The following ATP8B4 variants were observed in gnomAD, a reference collection of about 807,000 sequenced individuals.
ATP8B4 encodes the protein probable phospholipid-transporting ATPase IM.
ATP8B4 carries 133 observed loss-of-function variants against 145.6 expected under a neutral mutation model. The observed-to-expected ratio is 0.91, with a 90% CI of 0.79 to 1.05. The LOEUF (loss-of-function observed/expected upper bound fraction) is 1.05, where lower values mean the gene tolerates loss of function less well. ATP8B4 is among the 50% of genes least tolerant of loss of function. The probability of loss-of-function intolerance (pLI) is 0.00; values close to 1 mark genes in which losing one functional copy is unlikely to be tolerated. For synonymous variants in ATP8B4, 507 were observed against 492.9 expected (o/e 1.03, Z -0.38); for missense variants, 1,458 against 1,425.2 (o/e 1.02, Z -0.37).
intron 20 of ATP8B4, among the ~76,000 whole-genome samples, chr15:49,906,284 T>C (rs7169870): frequency 0.03 from 4,572 of 152,310 alleles, 238 homozygotes; most frequent in African/African-American, 0.11. Flanking sequence ...GAAGAATCAC[T>C]GGGTAAAAAC....
intron 2 of ATP8B4, among the ~76,000 whole-genome samples, chr15:50,081,960 GACTGGT>G (rs1393810457): frequency 2.0e-5 from 3 of 152,182 alleles, no homozygotes; most frequent in Non-Finnish European, 4.4e-5. Context: ...TCCTGAGCAA[GACTGGT>G]ACTGATCCAA....
intron 16 of ATP8B4, among the ~76,000 whole-genome samples, chr15:49,925,674 G>C (rs1200999914): frequency 6.6e-6 from 1 of 152,072 alleles, no homozygotes; most frequent in Non-Finnish European, 1.5e-5. Context: ...ACAATTTTCT[G>C]ATTCAATAAA....
intron 1 of ATP8B4, 106 bp from the exon 2 acceptor site, chr15:50,107,114 C>A (rs1474651018): frequency 4.8e-6 from 3 of 620,260 alleles, no homozygotes; most frequent in Non-Finnish European, 7.9e-6. Flanking sequence ...TAGGAAGTCA[C>A]TGACACAGGA....
intron 14 of ATP8B4, among the ~76,000 whole-genome samples, chr15:49,935,787 A>C (rs2041685185): frequency 6.6e-6 from 1 of 152,114 alleles, no homozygotes; most frequent in South Asian, 2.1e-4. Context: ...GATTTAAGTC[A>C]TTTACTTTAC....
intron 6 of ATP8B4, among the ~76,000 whole-genome samples, chr15:50,013,114 A>C (rs1180808917): frequency 6.6e-6 from 1 of 152,234 alleles, no homozygotes; most frequent in Non-Finnish European, 1.5e-5. Context: ...AAATCCCAGC[A>C]GAACTGGAGG....
chr15:50,095,131 C>T (rs1007929870), intron 2 of ATP8B4, among the ~76,000 whole-genome samples: 5 of 152,234 alleles, frequency 3.3e-5, no homozygotes, highest in African/African-American at 4.8e-5. Context: ...CACCATACTA[C>T]ATGTTGCAGG....
chr15:50,010,799 C>A, intron 7 of ATP8B4, 46 bp downstream of exon 7: 2 of 1,264,108 alleles, frequency 1.6e-6, no homozygotes, highest in East Asian at 2.7e-5. Context: ...CATATATATG[C>A]TACTTTAATC....
chr15:50,058,831 C>A (rs2052795588), intron 3 of ATP8B4, among the ~76,000 whole-genome samples: 1 of 151,796 alleles, frequency 6.6e-6, no homozygotes, highest in African/African-American at 2.4e-5. Context: ...ACCCACAACA[C>A]CTGGCTTTGT....
At chr15:49,903,947 G>C in intron 20 of ATP8B4, among the ~76,000 whole-genome samples, 1 of 152,154 alleles carries the variant, frequency 6.6e-6, no homozygotes, top group East Asian at 1.9e-4. Flanking sequence ...ATGACATCCT[G>C]TTTAAAAGAA....
At chr15:49,874,431 T>C (rs1255709598) in intron 25 of ATP8B4, among the ~76,000 whole-genome samples, 2 of 152,060 alleles carry the variant, frequency 1.3e-5, no homozygotes, top group Non-Finnish European at 2.9e-5. Context: ...CAAAAGCCAG[T>C]GTGGCTGGGG....
intron 23 of ATP8B4, chr15:49,880,233 C>T (rs770650924): frequency 2.6e-5 from 4 of 152,176 alleles, no homozygotes; most frequent in Non-Finnish European, 4.4e-5. Context: ...AATTGTAATA[C>T]AGCAGATTGA....
chr15:50,047,487 T>A (rs1157521806), intron 3 of ATP8B4, 23 bp from the exon 4 acceptor site: 1 of 1,405,522 alleles, frequency 7.1e-7, no homozygotes, highest in South Asian at 1.2e-5. Flanking sequence ...TAGCATCATG[T>A]TAGTTTGGGG....
At chr15:50,103,426 G>GTGTA (rs1489996379) in intron 2 of ATP8B4, among the ~76,000 whole-genome samples, 6 of 152,036 alleles carry the variant, frequency 3.9e-5, no homozygotes, top group Non-Finnish European at 8.8e-5. Flanking sequence ...ACACAAATCA[G>GTGTA]TAGCCCTGCT....
At chr15:49,983,775 C>T (rs1469092825) in intron 10 of ATP8B4, among the ~76,000 whole-genome samples, 2 of 152,264 alleles carry the variant, frequency 1.3e-5, no homozygotes, top group Admixed American at 6.5e-5. Context: ...CATGGTCTAG[C>T]CCCTATCCAT....
At chr15:49,930,193 G>T (rs932355278) in intron 16 of ATP8B4, among the ~76,000 whole-genome samples, 23 of 152,042 alleles carry the variant, frequency 1.5e-4, no homozygotes, top group Admixed American at 1.4e-3. Context: ...AGGAAAAAGA[G>T]CAATTGTTTT....
At chr15:50,085,093 G>A (rs559357188) in intron 2 of ATP8B4, among the ~76,000 whole-genome samples, 4 of 152,090 alleles carry the variant, frequency 2.6e-5, no homozygotes, top group African/African-American at 9.7e-5. Flanking sequence ...GAAGCCAGTT[G>A]TTACCAAGGC....
At chr15:50,153,408 A>G (rs1199029052) in intron 1 of ATP8B4, among the ~76,000 whole-genome samples, 1 of 149,912 alleles carries the variant, frequency 6.7e-6, no homozygotes, top group Non-Finnish European at 1.5e-5. Flanking sequence ...GCACGATCTC[A>G]GCTCACTGCA....
chr15:49,897,099 C>A, intron 23 of ATP8B4, 193 bp downstream of exon 23: 1 of 536,092 alleles, frequency 1.9e-6, no homozygotes, highest in Non-Finnish European at 3.2e-6. Context: ...AATAAAATTC[C>A]AGCTAGATAC....
chr15:49,960,068 C>G (rs1267703834), intron 14 of ATP8B4, among the ~76,000 whole-genome samples: 1 of 148,356 alleles, frequency 6.7e-6, no homozygotes, highest in African/African-American at 2.5e-5. Flanking sequence ...GTCTCTGTCA[C>G]CCAGTCTGGA....
Sources: allele counts gnomAD v4.1 joint callset (sites outside exome capture counted in the v4.1 genomes callset), GRCh38; gene constraint gnomAD v4.1.1; transcripts MANE v1.5; gene names NCBI Gene and HGNC (gene_info 2026-07-23, HGNC 2026-07-21).